KCNT1: variants seen among roughly 807,000 people sequenced by gnomAD.
The protein encoded by KCNT1 is potassium channel subfamily T member 1.
In KCNT1, 78 loss-of-function variants were observed where a neutral mutation model predicts 147.8. The observed-to-expected ratio is 0.53, with a 90% CI of 0.44 to 0.64. The LOEUF is 0.64. Ranked by LOEUF, KCNT1 falls within the 30% of genes least tolerant of loss-of-function variation. KCNT1 has a pLI of 0.00. For synonymous variants in KCNT1, 867 were observed against 748.8 expected (o/e 1.16, Z -2.58); for missense variants, 1,419 against 1,750.3 (o/e 0.81, Z 3.38).
chr9:135,747,512 C>T (rs774273876), intron 2 of KCNT1, among the ~76,000 whole-genome samples: 3 of 152,084 alleles, frequency 2.0e-5, no homozygotes, highest in Admixed American at 6.5e-5. Context: ...CCAGGCCCAG[C>T]GCAGCCTGGA....
chr9:135,747,452 C>T (rs1377108446), intron 2 of KCNT1, among the ~76,000 whole-genome samples: 2 of 152,024 alleles, frequency 1.3e-5, no homozygotes, highest in Non-Finnish European at 2.9e-5. Context: ...GGCTCAGCCC[C>T]CGGGGGCAGC....
intron 28 of KCNT1, chr9:135,785,978 C>T (rs942376209): frequency 2.3e-5 from 13 of 573,530 alleles, no homozygotes; most frequent in Admixed American, 6.7e-5. Context: ...GGTGGCCCGG[C>T]GATCTGTGCT....
At chr9:135,750,040 G>A in intron 2 of KCNT1, 58 bp from the exon 3 acceptor site, 1 of 1,418,512 alleles carries the variant, frequency 7.0e-7, no homozygotes, top group Non-Finnish European at 1.0e-6. Context: ...CTCCCGGCGT[G>A]TCCCCAGCCT....
intron 24 of KCNT1, among the ~76,000 whole-genome samples, chr9:135,782,944 G>A (rs767591370): frequency 2.6e-5 from 4 of 152,202 alleles, no homozygotes; most frequent in Admixed American, 6.5e-5. Context: ...GAGTAAGGGC[G>A]AACCCGGAGG....
chr9:135,711,798 C>T (rs796829103), intron 1 of KCNT1, among the ~76,000 whole-genome samples: 6 of 152,340 alleles, frequency 3.9e-5, no homozygotes, highest in African/African-American at 1.4e-4. Flanking sequence ...GCGCCGGCCA[C>T]CCTGGGTCAT....
intron 2 of KCNT1, among the ~76,000 whole-genome samples, chr9:135,728,313 C>T (rs957946012): frequency 6.6e-6 from 1 of 152,350 alleles, no homozygotes; most frequent in African/African-American, 2.4e-5. Context: ...AGCCCCAGGA[C>T]ACCCCGACAC....
At chr9:135,722,454 C>A (rs780106147) in intron 2 of KCNT1, among the ~76,000 whole-genome samples, 5 of 152,230 alleles carry the variant, frequency 3.3e-5, no homozygotes, top group Non-Finnish European at 5.9e-5. Flanking sequence ...AGCCACCAAC[C>A]GTTTGGGCTT....
At chr9:135,762,862 C>T (rs1049186081) in intron 11 of KCNT1, among the ~76,000 whole-genome samples, 4 of 152,222 alleles carry the variant, frequency 2.6e-5, no homozygotes, top group South Asian at 2.1e-4. Flanking sequence ...GCCATCGTCA[C>T]GAGAACTGAT....
chr9:135,746,724 G>T (rs901709554), intron 2 of KCNT1, among the ~76,000 whole-genome samples: 6 of 152,174 alleles, frequency 3.9e-5, no homozygotes, highest in African/African-American at 1.4e-4. Context: ...CGTGGCCGGA[G>T]CTGGCTGGGG....
chr9:135,731,981 TATATATATATAGAGAGAGAGAGAGAG>T (rs1183913051), intron 2 of KCNT1, among the ~76,000 whole-genome samples: 1 of 26,572 alleles, frequency 3.8e-5, no homozygotes, highest in Admixed American at 4.6e-4. Flanking sequence ...TATATATATA[TATATATATATAGAGAGAGAGAGAGAG>T]AGAGAGAGAG....
chr9:135,767,198 T>A (rs1405339838), intron 13 of KCNT1, among the ~76,000 whole-genome samples: 1 of 152,144 alleles, frequency 6.6e-6, no homozygotes, highest in African/African-American at 2.4e-5. Context: ...ACCCATTGCC[T>A]ATGGAACGCC....
intron 28 of KCNT1, 158 bp downstream of exon 28, chr9:135,785,488 G>A (rs912381431): frequency 5.6e-6 from 5 of 899,280 alleles, no homozygotes; most frequent in South Asian, 1.5e-5. Context: ...GCCCCAGCAC[G>A]GCTCAGAGAA....
chr9:135,702,489 C>T (rs1473762237), intron 1 of KCNT1, 121 bp downstream of exon 1: 5 of 837,380 alleles, frequency 6.0e-6, no homozygotes, highest in African/African-American at 1.8e-5. Context: ...CCAACTTCCC[C>T]AGGACCCGCG....
rs544495065 is a variant in KCNT1 at position 135,754,445 on chromosome 9, T to C, written c.491+452T>C. ...TGGCGGCTTCTCTTCCAGTTCACCATCTTACGGCAAAGGAAGGCACCTGCC... is the reference window on the plus strand; with the variant it reads ...TGGCGGCTTCTCTTCCAGTTCACCACCTTACGGCAAAGGAAGGCACCTGCC... On this transcript the variant is annotated intron_variant, in intron 5 of 30. Coordinates refer to ENST00000371757, the MANE Select transcript of KCNT1 (RefSeq NM_020822.3). Among the ~76,000 whole-genome samples the C allele has an allele frequency of 4.1e-4, 62 of 152,252 alleles. 1 individual carries two copies. In the South Asian group the frequency reaches 8.1e-3, roughly 20 times the overall value.
chr9:135,741,491 C>T (rs764705282), intron 2 of KCNT1, among the ~76,000 whole-genome samples: 4 of 152,356 alleles, frequency 2.6e-5, no homozygotes, highest in Admixed American at 1.3e-4. Context: ...CGGACAAACA[C>T]GCAGAATCTG....
Position 135,759,580 on chromosome 9 carries a change from C to G in KCNT1, c.855-99C>G, listed in dbSNP as rs368407691. ...CGCCTGGTGATGCACAGCTCAGTCT[C>G]CTGGGCAGTGAGGGTCCCGTGGGCA... On this transcript the variant is annotated intron_variant, in intron 10 of 30. Transcript: ENST00000371757. 4 of 1,331,298 alleles carry G rather than the reference C, an allele frequency of 3.0e-6. No homozygotes were observed. The African/African-American group carries it at 5.9e-5, about 20-fold the overall frequency. The allele number at this position is 1,331,298 out of a possible 1,614,324, so 82.5% of individuals were successfully genotyped here.
chr9:135,763,080 G>T (rs1390625029), intron 11 of KCNT1, among the ~76,000 whole-genome samples: 1 of 152,246 alleles, frequency 6.6e-6, no homozygotes, highest in African/African-American at 2.4e-5. Flanking sequence ...AGGAAGGCGG[G>T]GGCAGGGCCT....
At chr9:135,773,126 G>GA (rs1832876325) in intron 19 of KCNT1, among the ~76,000 whole-genome samples, 177 bp downstream of exon 19, 2 of 152,338 alleles carry the variant, frequency 1.3e-5, no homozygotes, top group South Asian at 4.1e-4. Flanking sequence ...ACAGACATCA[G>GA]GGCCACATCA....
At chr9:135,779,512 C>T (rs774828882) in intron 24 of KCNT1, 42 bp downstream of exon 24, 1 of 1,418,868 alleles carries the variant, frequency 7.0e-7, no homozygotes, top group Non-Finnish European at 1.0e-6. Flanking sequence ...CCCAGAATCC[C>T]AGAAAGAGTG....
Sources: gnomAD v4.1 joint callset for allele counts (sites outside exome capture counted in the v4.1 genomes callset) on GRCh38, gnomAD v4.1.1 for gene constraint, MANE v1.5 for transcripts, NCBI Gene and HGNC (gene_info 2026-07-23, HGNC 2026-07-21) for gene names.